ARNT2: variants seen among roughly 807,000 people sequenced by gnomAD.
ARNT2 encodes the protein aryl hydrocarbon receptor nuclear translocator 2.
Under a neutral mutation model 91.7 loss-of-function variants are expected in ARNT2, and 36 were observed. The observed-to-expected ratio is 0.39, with a 90% confidence interval of 0.30 to 0.52. The LOEUF (loss-of-function observed/expected upper bound fraction) is 0.52, where lower values mean the gene tolerates loss of function less well. Ranked by LOEUF, ARNT2 falls within the 20% of genes least tolerant of loss-of-function variation. The pLI, the probability that ARNT2 is intolerant of heterozygous loss-of-function variation, is 0.72. For synonymous variants in ARNT2, 365 were observed against 347.1 expected (o/e 1.05, Z -0.57); for missense variants, 775 against 939.3 (o/e 0.83, Z 2.29).
chr15:80,573,093 C>T (rs750281551), intron 12 of ARNT2, among the ~76,000 whole-genome samples: 3 of 152,188 alleles, frequency 2.0e-5, no homozygotes, highest in Admixed American at 6.5e-5. Flanking sequence ...CATAGTTTTC[C>T]GAAAAGGTCG....
chr15:80,502,649 C>T (rs1164965933), intron 5 of ARNT2, among the ~76,000 whole-genome samples: 1 of 152,098 alleles, frequency 6.6e-6, no homozygotes, highest in African/African-American at 2.4e-5. Context: ...GGAGCATGAG[C>T]CTTCTCTCCA....
chr15:80,569,737 G>C (rs778809068), intron 12 of ARNT2, among the ~76,000 whole-genome samples: 1 of 152,200 alleles, frequency 6.6e-6, no homozygotes, highest in Non-Finnish European at 1.5e-5. Context: ...CTAATACCAA[G>C]AACCCTTATC....
At chr15:80,520,529 AG>A (rs1230464789) in intron 8 of ARNT2, among the ~76,000 whole-genome samples, 1 of 151,990 alleles carries the variant, frequency 6.6e-6, no homozygotes, top group Non-Finnish European at 1.5e-5. Flanking sequence ...GACATTTAAG[AG>A]TGTAGATCTC....
At chr15:80,508,047 C>A in intron 5 of ARNT2, 109 bp from the exon 6 acceptor site, 1 of 1,001,218 alleles carries the variant, frequency 1.0e-6, no homozygotes, top group Non-Finnish European at 1.5e-6. Context: ...TGCACAGCCA[C>A]ACTTGTCCTC....
chr15:80,426,765 T>G (rs1895937886), intron 1 of ARNT2, among the ~76,000 whole-genome samples: 1 of 152,200 alleles, frequency 6.6e-6, no homozygotes, highest in African/African-American at 2.4e-5. Flanking sequence ...AACAAAATAC[T>G]ATAGACTGGG....
intron 5 of ARNT2, among the ~76,000 whole-genome samples, chr15:80,487,550 G>T (rs1308379131): frequency 6.6e-6 from 1 of 152,220 alleles, no homozygotes; most frequent in Admixed American, 6.5e-5. Context: ...CACCTGGCCC[G>T]CTCAGGCCTG....
intron 8 of ARNT2, among the ~76,000 whole-genome samples, chr15:80,515,090 A>T (rs1039190550): frequency 2.0e-5 from 3 of 152,228 alleles, no homozygotes; most frequent in African/African-American, 4.8e-5. Context: ...TCTCACTAAG[A>T]TGGTTAAAAG....
rs200026422 is a variant in ARNT2, at chr15:80,563,260, C to G, written c.1316+21C>G. ...GTCAAGTACGTACACTGCCATTTCC[C>G]TCTCCTGGAATCCACATGCGCTTGC... On this transcript the variant is annotated intron_variant, in intron 12 of 18. Transcript: ENST00000303329. 3.7e-6 allele frequency: 6 copies of G among 1,613,570 alleles called. No individual in the cohort carries two copies. The South Asian group carries it at 5.5e-5, about 15-fold the overall frequency.
chr15:80,513,624 C>T (rs1236500619), intron 6 of ARNT2, among the ~76,000 whole-genome samples: 4 of 150,606 alleles, frequency 2.7e-5, no homozygotes, highest in African/African-American at 9.8e-5. Flanking sequence ...CCAGGTCTCT[C>T]CTAGAGTCTT....
rs1279468940 is a variant in ARNT2, at chr15:80,404,687, C to A, written c.31+141C>A. 3 of 431,302 alleles carry A rather than the reference C, an allele frequency of 7.0e-6. No individual in the cohort carries two copies. The highest frequency in any genetic ancestry group is 9.4e-6 in the Non-Finnish European group (3 of 320,814). 26.7% of individuals were successfully genotyped at this position (431,302 alleles called of 1,614,324 possible). A position where few individuals can be genotyped will look rare whatever the true frequency, so the allele number is the denominator to read the frequency against. On this transcript the variant is annotated intron_variant, in intron 1 of 18. Transcript: ENST00000303329. This position sits in a 1 kb window ranked among gnomAD's most constrained non-coding sequence, Gnocchi z 5.5. ...GGGTGGTGGAGCGGCTGTCACTACG[C>A]GGCAGCCGCAGCATCAGCACCAGAG...
At chr15:80,586,385 A>G (rs1898900325) in intron 17 of ARNT2, among the ~76,000 whole-genome samples, 3 of 152,198 alleles carry the variant, frequency 2.0e-5, no homozygotes, top group Non-Finnish European at 4.4e-5. Context: ...TCCATGCATG[A>G]CACAAGTCAG....
chr15:80,563,992 C>G (rs572216452), intron 12 of ARNT2, among the ~76,000 whole-genome samples: 4 of 152,308 alleles, frequency 2.6e-5, no homozygotes, highest in Admixed American at 6.5e-5. Flanking sequence ...TGCATTTAAT[C>G]TCAAGGAAAT....
intron 1 of ARNT2, among the ~76,000 whole-genome samples, chr15:80,446,749 TC>T (rs1308600952): frequency 2.7e-5 from 4 of 148,190 alleles, no homozygotes; most frequent in Admixed American, 2.0e-4. Flanking sequence ...GGAAACACAG[TC>T]AGTACCCAAC....
At chr15:80,576,076 A>G (rs1436672833) in intron 14 of ARNT2, among the ~76,000 whole-genome samples, 1 of 152,104 alleles carries the variant, frequency 6.6e-6, no homozygotes. Context: ...TCTGTTGGGA[A>G]ACTGAGGCAG....
chr15:80,494,538 A>T (rs921669979), intron 5 of ARNT2, among the ~76,000 whole-genome samples: 1 of 152,194 alleles, frequency 6.6e-6, no homozygotes, highest in African/African-American at 2.4e-5. Flanking sequence ...TCTAAACAGG[A>T]TGAAGAATTT....
At chr15:80,473,043 T>A (rs1268445309) in intron 4 of ARNT2, among the ~76,000 whole-genome samples, 1 of 152,168 alleles carries the variant, frequency 6.6e-6, no homozygotes, top group Non-Finnish European at 1.5e-5. Context: ...AATGGTTACA[T>A]TTATGGAGCA....
intron 12 of ARNT2, among the ~76,000 whole-genome samples, chr15:80,564,856 G>A (rs1042284629): frequency 2.6e-5 from 4 of 151,988 alleles, no homozygotes; most frequent in South Asian, 2.1e-4. Flanking sequence ...TGCAAAGGAC[G>A]TGGTTTTGTT....
At chr15:80,583,698 G>A (rs747104462) in intron 17 of ARNT2, among the ~76,000 whole-genome samples, 2 of 152,226 alleles carry the variant, frequency 1.3e-5, no homozygotes, top group Non-Finnish European at 1.5e-5. Flanking sequence ...ACTGAGGTCA[G>A]ATAACTTACC....
At chr15:80,553,122 C>T (rs1485098864) in intron 10 of ARNT2, among the ~76,000 whole-genome samples, 2 of 152,162 alleles carry the variant, frequency 1.3e-5, no homozygotes, top group African/African-American at 4.8e-5. Context: ...GTAAAGATGC[C>T]TACCTAATTT....
Sources: gnomAD v4.1 joint callset for allele counts (sites outside exome capture counted in the v4.1 genomes callset) on GRCh38, gnomAD v4.1.1 for gene constraint, Gnocchi (gnomAD v3.1) non-coding constraint, MANE v1.5 for transcripts, NCBI Gene and HGNC (gene_info 2026-07-23, HGNC 2026-07-21) for gene names.